DYNLRB1: variants seen among roughly 807,000 people sequenced by gnomAD.
The protein encoded by DYNLRB1 is ROBL/LC7-like 1.
In DYNLRB1, 6 loss-of-function variants were observed where a neutral mutation model predicts 13.5. The observed-to-expected ratio is 0.44, with a 90% CI of 0.24 to 0.88. The LOEUF is 0.88. Ranked by LOEUF, DYNLRB1 falls within the 40% of genes least tolerant of loss-of-function variation. DYNLRB1 has a pLI of 0.21. For synonymous variants in DYNLRB1, 43 were observed against 45.0 expected (o/e 0.96, Z 0.18); for missense variants, 93 against 127.2 (o/e 0.73, Z 1.29).
intron 3 of DYNLRB1, among the ~76,000 whole-genome samples, chr20:34,539,511 C>A (rs1205156521): frequency 3.9e-5 from 6 of 151,990 alleles, no homozygotes; most frequent in Middle Eastern, 6.3e-3. Context: ...GAGACCCCAT[C>A]TGTACAAAAC....
chr20:34,517,407 A>G (rs771633590), intron 1 of DYNLRB1, among the ~76,000 whole-genome samples: 17 of 152,178 alleles, frequency 1.1e-4, no homozygotes, highest in Non-Finnish European at 2.9e-5. Flanking sequence ...TTACACCACA[A>G]TATCTCCACA....
intron 3 of DYNLRB1, among the ~76,000 whole-genome samples, chr20:34,537,984 G>GTTTTTT (rs1568604950): frequency 1.8e-5 from 1 of 54,600 alleles, no homozygotes; most frequent in Non-Finnish European, 3.9e-5. Flanking sequence ...ACGTGAACAG[G>GTTTTTT]CTTTTTTTTT....
At chr20:34,529,161 G>A (rs1476384679) in intron 2 of DYNLRB1, among the ~76,000 whole-genome samples, 1 of 152,154 alleles carries the variant, frequency 6.6e-6, no homozygotes, top group African/African-American at 2.4e-5. Flanking sequence ...TGTGTTTCTT[G>A]GCTGCCTCGT....
At chr20:34,519,155 C>T (rs898586897) in intron 1 of DYNLRB1, among the ~76,000 whole-genome samples, 1 of 152,128 alleles carries the variant, frequency 6.6e-6, no homozygotes, top group Non-Finnish European at 1.5e-5. Context: ...CTCATGACCT[C>T]AGGTGATCCG....
At position 34,537,704 on chromosome 20, in the gene DYNLRB1, A is replaced by C. The variant is rs1981257047; in HGVS notation, c.248-2877A>C. On this transcript the variant is annotated intron_variant, in intron 3 of 3. Transcript: ENST00000357156. The stretch of plus-strand genomic sequence containing the variant: ...CGCTGAATTGCCTCAGGATGGCTAC[A>C]GAACACAGGACCCAGGGGTGGCCAC... 2.0e-5 allele frequency among the ~76,000 whole-genome samples: 3 copies of C among 152,212 alleles called. No homozygotes were observed. In the South Asian group the frequency reaches 6.2e-4, roughly 31 times the overall value.
chr20:34,524,183 T>G (rs1478297707), intron 1 of DYNLRB1, among the ~76,000 whole-genome samples: 1 of 152,224 alleles, frequency 6.6e-6, no homozygotes, highest in Non-Finnish European at 1.5e-5. Context: ...AATAAAACCT[T>G]TCTATAATTC....
At chr20:34,518,264 C>T (rs1310803739) in intron 1 of DYNLRB1, among the ~76,000 whole-genome samples, 1 of 151,822 alleles carries the variant, frequency 6.6e-6, no homozygotes, top group African/African-American at 2.4e-5. Flanking sequence ...GTTACTATAC[C>T]TTTCTGGTAT....
chr20:34,517,007 C>T (rs945293645), intron 1 of DYNLRB1: 22 of 1,240,178 alleles, frequency 1.8e-5, no homozygotes, highest in South Asian at 8.9e-5. Flanking sequence ...GCCACTCTGT[C>T]GGCGTGGTTC....
chr20:34,540,481 C>G lies in DYNLRB1; in HGVS notation c.248-100C>G, dbSNP rs556916147. 6.2e-6 allele frequency: 7 copies of G among 1,132,638 alleles called. No individual in the cohort carries two copies. In the East Asian group the frequency reaches 1.7e-4, roughly 28 times the overall value. 70.2% of individuals were successfully genotyped at this position (1,132,638 alleles called of 1,614,324 possible). On this transcript the variant is annotated intron_variant, in intron 3 of 3. Transcript: ENST00000357156. Reference sequence around the variant, plus strand: ...ATGCTTTTTGTTGCTTTCTCCCCTTCCTCATTTTATGGTTAGTGATTTAAT... The same window carrying G: ...ATGCTTTTTGTTGCTTTCTCCCCTTGCTCATTTTATGGTTAGTGATTTAAT...
chr20:34,520,125 T>C (rs541933792), intron 1 of DYNLRB1, among the ~76,000 whole-genome samples: 2 of 152,188 alleles, frequency 1.3e-5, no homozygotes, highest in Non-Finnish European at 2.9e-5. Context: ...CAAGACTCTG[T>C]CTCAAAATAA....
intron 1 of DYNLRB1, among the ~76,000 whole-genome samples, chr20:34,520,640 G>A (rs1263602928): frequency 6.6e-6 from 1 of 152,112 alleles, no homozygotes. Context: ...GTAGAAACAG[G>A]GTTTCGCCAT....
At position 34,540,890 on chromosome 20, in the gene DYNLRB1, A is replaced by G. The variant is rs1981538620; in HGVS notation, c.*266A>G. On this transcript the variant is annotated 3_prime_UTR_variant, in exon 4 of 4. Coordinates refer to ENST00000357156, the MANE Select transcript of DYNLRB1 (RefSeq NM_014183.4). ...GAAGCCCGCACCCAGCTTCCTTCTG[A>G]CCTTCAGTTCACTTTGTCGCCCTTG... 1.1e-5 allele frequency: 5 copies of G among 441,892 alleles called. No homozygotes were observed. The highest frequency in any genetic ancestry group is 5.8e-4 in the Middle Eastern group (1 of 1,734). The allele number at this position is 441,892 out of a possible 1,614,324, so 27.4% of individuals were successfully genotyped here. A position where few individuals can be genotyped will look rare whatever the true frequency, so the allele number is the denominator to read the frequency against.
intron 1 of DYNLRB1, chr20:34,516,943 GC>G (rs1979270750): frequency 7.3e-7 from 1 of 1,365,152 alleles, no homozygotes; most frequent in Non-Finnish European, 9.5e-7. Context: ...GAAGCCAAGT[GC>G]TTTGCCCCAG....
At chr20:34,522,463 C>CTTTTACTT (rs1568598377) in intron 1 of DYNLRB1, among the ~76,000 whole-genome samples, 1 of 101,270 alleles carries the variant, frequency 9.9e-6, no homozygotes, top group Non-Finnish European at 2.1e-5. Context: ...TTTCTTTTTT[C>CTTTTACTT]TTTTTCTTTT....
intron 2 of DYNLRB1, among the ~76,000 whole-genome samples, chr20:34,528,439 C>T (rs866757452): frequency 7.3e-5 from 11 of 151,114 alleles, no homozygotes; most frequent in South Asian, 2.1e-4. Flanking sequence ...GATAGAGCAG[C>T]GTGACCAGTG....
chr20:34,517,738 C>G (rs543228248), intron 1 of DYNLRB1, among the ~76,000 whole-genome samples: 2 of 150,500 alleles, frequency 1.3e-5, no homozygotes, highest in African/African-American at 4.9e-5. Flanking sequence ...AAGTGATTCT[C>G]CCGCCTCAGC....
intron 2 of DYNLRB1, chr20:34,530,877 C>T (rs910809619): frequency 9.2e-5 from 14 of 152,442 alleles, no homozygotes; most frequent in African/African-American, 3.1e-4. Flanking sequence ...GTGGTTGCTC[C>T]TGCTCCTGCC....
In DYNLRB1 at chr20:34,537,295, A is replaced by G. The variant is rs1174321115; in HGVS notation, c.247+2500A>G. Among the ~76,000 whole-genome samples the G allele has an allele frequency of 2.6e-5, 4 of 152,324 alleles. No homozygotes were observed. In the East Asian group the frequency reaches 7.7e-4, roughly 29 times the overall value. On this transcript the variant is annotated intron_variant, in intron 3 of 3. Coordinates refer to ENST00000357156, the MANE Select transcript of DYNLRB1 (RefSeq NM_014183.4). ...CTTACAGAGCATGCTTCTTTGGCTC[A>G]GCCTCACTGCTGCCACTCAAGTCCT...
At chr20:34,528,488 C>T (rs1040305814) in intron 2 of DYNLRB1, among the ~76,000 whole-genome samples, 7 of 152,064 alleles carry the variant, frequency 4.6e-5, no homozygotes, top group Non-Finnish European at 1.0e-4. Context: ...CCTCTGTTCC[C>T]GTGTCATTCA....
Sources: gnomAD v4.1 joint callset for allele counts (sites outside exome capture counted in the v4.1 genomes callset) on GRCh38, gnomAD v4.1.1 for gene constraint, MANE v1.5 for transcripts, NCBI Gene and HGNC (gene_info 2026-07-23, HGNC 2026-07-21) for gene names.